The following UGT2B7 variants were observed in gnomAD, a reference collection of about 807,000 sequenced individuals.
UGT2B7 encodes the protein UDP-glucuronosyltransferase 2B7.
In UGT2B7, 51 loss-of-function variants were observed where a neutral mutation model predicts 51.9. That is an observed-to-expected ratio of 0.98 (90% CI 0.78 to 1.24). The LOEUF is 1.24. UGT2B7 is among the 50% of genes most tolerant of loss of function. UGT2B7 has a pLI of 0.00. For synonymous variants in UGT2B7, 225 were observed against 211.6 expected, an observed-to-expected ratio of 1.06 and a Z score of -0.55; for missense variants, 727 against 628.4, an observed-to-expected ratio of 1.16 and a Z score of -1.68.
chr4:69,109,480 C>T lies in UGT2B7; in HGVS notation c.1310+1158C>T, dbSNP rs368125849. ...CTGGTCTTGGATTGCATTTTCATTACGGCTAAAGGTGTTGAGAATCTTCAT... is the reference window on the plus strand; with the variant it reads ...CTGGTCTTGGATTGCATTTTCATTATGGCTAAAGGTGTTGAGAATCTTCAT... On this transcript the variant is annotated intron_variant, in intron 5 of 5. Transcript: ENST00000305231. Among the ~76,000 whole-genome samples, 82 of 152,214 alleles carry T rather than the reference C, an allele frequency of 5.4e-4. 1 individual carries two copies. The South Asian group carries it at 0.012, about 22-fold the overall frequency.
chr4:69,098,060 A>G (rs1719298771), intron 1 of UGT2B7, among the ~76,000 whole-genome samples: 1 of 152,046 alleles, frequency 6.6e-6, no homozygotes, highest in African/African-American at 2.4e-5. Context: ...CATACTCTCA[A>G]CATAGTCCAC....
chr4:69,060,275 A>T (rs1056441364), intron 1 of UGT2B7, among the ~76,000 whole-genome samples: 1 of 152,256 alleles, frequency 6.6e-6, no homozygotes, highest in African/African-American at 2.4e-5. Context: ...ATATAAGCCA[A>T]AGGAAAAGAT....
chr4:69,069,081 A>T (rs896115536), intron 1 of UGT2B7, among the ~76,000 whole-genome samples: 1 of 149,370 alleles, frequency 6.7e-6, no homozygotes, highest in African/African-American at 2.5e-5. Context: ...TTAACAATAA[A>T]AAAACTTGGA....
At chr4:69,075,858 C>A (rs563289831) in intron 1 of UGT2B7, among the ~76,000 whole-genome samples, 6 of 152,130 alleles carry the variant, frequency 3.9e-5, no homozygotes, top group African/African-American at 1.4e-4. Flanking sequence ...TATACATGTA[C>A]CATTGTGGTT....
At chr4:69,102,775 CT>C (rs748988515) in intron 2 of UGT2B7, 31 bp from the exon 3 acceptor site, 154 of 1,608,346 alleles carry the variant, frequency 9.6e-5, no homozygotes, top group Middle Eastern at 2.0e-4. Flanking sequence ...TGCTAATACT[CT>C]TTTGTGATGA....
At position 69,096,695 on chromosome 4, in the gene UGT2B7, T is replaced by C; in HGVS notation, c.175T>C (p.Ser59Pro). 6.2e-7 allele frequency: 1 copy of C among 1,614,054 alleles called. No homozygotes were observed. The highest frequency in any genetic ancestry group is 8.5e-7 in the Non-Finnish European group (1 of 1,179,938). ...TCATGAGGTGACTGTACTGGCATCT[T>C]CAGCTTCCATTCTTTTTGATCCCAA... Reference protein sequence around the residue: ...RGHEVTVLASSASILFDPNNS... With the variant: ...RGHEVTVLASPASILFDPNNS... The change falls in exon 1 of 6, where the codon TCA (serine) becomes CCA (proline). Residue 59 changes from serine (S) to proline (P), a missense_variant. By Grantham distance (74) the Ser-to-Pro change is moderately conservative. Transcript: ENST00000305231.
At chr4:69,089,717 A>G (rs1274381121) in intron 2 of UGT2B7, 1 of 152,180 alleles carries the variant, frequency 6.6e-6, no homozygotes, top group African/African-American at 2.4e-5. Context: ...CACTACTTCT[A>G]CATAGAATAA....
At chr4:69,094,171 G>A (rs371486938), upstream of UGT2B7, among the ~76,000 whole-genome samples, 3,249 of 25,052 alleles carry the variant, frequency 0.13, 821 homozygotes, top group Middle Eastern at 0.38. Flanking sequence ...ACGGAGTCTC[G>A]CTCTGTCGCC....
intron 2 of UGT2B7, among the ~76,000 whole-genome samples, chr4:69,100,987 T>G (rs1420656331): frequency 6.6e-6 from 1 of 152,084 alleles, no homozygotes; most frequent in Non-Finnish European, 1.5e-5. Context: ...GGTGTACCTA[T>G]TAAACATTAT....
chr4:69,051,423 G>A (rs529332967), exon 1 of UGT2B7: 1 of 152,240 alleles, frequency 6.6e-6, no homozygotes, highest in Non-Finnish European at 1.5e-5. Context: ...CTTGTGGAGT[G>A]CCCCTGTGGG....
At chr4:69,063,161 T>C (rs370310508) in intron 1 of UGT2B7, among the ~76,000 whole-genome samples, 246 of 150,236 alleles carry the variant, frequency 1.6e-3, no homozygotes, top group African/African-American at 5.7e-3. Context: ...CTACTAAAAA[T>C]ACAAAAAATT....
chr4:69,060,466 G>A (rs1180412220), intron 1 of UGT2B7, among the ~76,000 whole-genome samples: 2 of 152,206 alleles, frequency 1.3e-5, no homozygotes, highest in African/African-American at 2.4e-5. Context: ...CTGGGAGGCT[G>A]ACCAGGAGAA....
At chr4:69,096,254 C>T (rs1305368293), upstream of UGT2B7, among the ~76,000 whole-genome samples, 6 of 152,078 alleles carry the variant, frequency 3.9e-5, no homozygotes, top group Admixed American at 2.6e-4. Flanking sequence ...AGACAGATGG[C>T]ATGTCCATAC....
intron 1 of UGT2B7, among the ~76,000 whole-genome samples, chr4:69,064,889 T>G (rs962168649): frequency 1.6e-4 from 24 of 152,152 alleles, no homozygotes; most frequent in African/African-American, 5.6e-4. Flanking sequence ...GTTAACGTTG[T>G]GATTAGAAAA....
At chr4:69,061,514 C>A (rs1003397323) in intron 1 of UGT2B7, among the ~76,000 whole-genome samples, 1 of 152,168 alleles carries the variant, frequency 6.6e-6, no homozygotes, top group African/African-American at 2.4e-5. Flanking sequence ...GGACCCCAAG[C>A]TACACTCCAA....
chr4:69,106,895 G>A (rs1426709311), intron 3 of UGT2B7, among the ~76,000 whole-genome samples: 2 of 150,716 alleles, frequency 1.3e-5, no homozygotes, highest in East Asian at 3.9e-4. Context: ...CCACACGTAG[G>A]TTTTCTTTTA....
chr4:69,086,201 T>C (rs1385053436), intron 1 of UGT2B7, among the ~76,000 whole-genome samples: 1 of 151,872 alleles, frequency 6.6e-6, no homozygotes. Flanking sequence ...TGTCTTTCCA[T>C]TTTTATTTTT....
intron 1 of UGT2B7, among the ~76,000 whole-genome samples, chr4:69,085,725 TC>T (rs1406036902): frequency 6.6e-6 from 1 of 151,970 alleles, no homozygotes; most frequent in Admixed American, 6.6e-5. Context: ...ATTTCCCTGT[TC>T]ATGTTTCTAT....
At position 69,112,729 on chromosome 4, in the gene UGT2B7, A is replaced by G. The variant is rs1236768980; in HGVS notation, c.1583A>G (p.Asn528Ser). The G allele has an allele frequency of 6.2e-6, 10 of 1,613,628 alleles. No individual in the cohort carries two copies. The African/African-American group carries it at 1.2e-4, about 19-fold the overall frequency. Residue 528 changes from asparagine (N) to serine (S), a missense_variant, in exon 6 of 6, where the codon AAT (asparagine) becomes AGT (serine). Coordinates refer to ENST00000305231, the MANE Select transcript of UGT2B7 (RefSeq NM_001074.4). ...GCTAGAAAAGCAAAGAAGGGAAAAAATGATTAGTTATATCTGAGATTTGAA... is the reference window on the plus strand; with the variant it reads ...GCTAGAAAAGCAAAGAAGGGAAAAAGTGATTAGTTATATCTGAGATTTGAA... ...KFARKAKKGK[N>S]D
Sources: allele counts gnomAD v4.1 joint callset (sites outside exome capture counted in the v4.1 genomes callset), GRCh38; gene constraint gnomAD v4.1.1; transcripts MANE v1.5; gene names NCBI Gene and HGNC (gene_info 2026-07-23, HGNC 2026-07-21).